The following CDH4 variants were observed in gnomAD, a reference collection of about 807,000 sequenced individuals.
The protein encoded by CDH4 is cadherin 4, also known as cadherin-4.
In CDH4, 33 loss-of-function variants were observed where a neutral mutation model predicts 86.0. The ratio of observed to expected loss-of-function variants is 0.38; its 90% CI spans 0.29 to 0.51. CDH4 has a LOEUF of 0.51. CDH4 is among the 20% of genes least tolerant of loss of function. The pLI, the probability that CDH4 is intolerant of heterozygous loss-of-function variation, is 0.86. For missense variants in CDH4, 1,114 were observed against 1,307.4 expected (o/e 0.85, Z 2.28); for synonymous variants, 555 against 549.4 (o/e 1.01, Z -0.14).
At chr20:61,875,906 G>T (rs1461628696) in intron 7 of CDH4, among the ~76,000 whole-genome samples, 9 of 150,728 alleles carry the variant, frequency 6.0e-5, no homozygotes, top group Non-Finnish European at 1.3e-4. Context: ...CTGCCCTGGG[G>T]AGAGAGGGCA....
At chr20:61,415,956 T>C (rs1164463337) in intron 2 of CDH4, among the ~76,000 whole-genome samples, 1 of 151,442 alleles carries the variant, frequency 6.6e-6, no homozygotes, top group Non-Finnish European at 1.5e-5. Context: ...TGCCTTGGCC[T>C]CCTAAAGTGC....
chr20:61,306,225 A>G (rs2084416453), intron 2 of CDH4, among the ~76,000 whole-genome samples: 1 of 152,224 alleles, frequency 6.6e-6, no homozygotes, highest in Non-Finnish European at 1.5e-5. Flanking sequence ...GACTCAAGAA[A>G]TTACCTCAGA....
chr20:61,854,204 G>A (rs996046961), intron 6 of CDH4, among the ~76,000 whole-genome samples: 5 of 152,282 alleles, frequency 3.3e-5, no homozygotes, highest in Admixed American at 2.6e-4. Context: ...CCAGAGCCAG[G>A]GCCAGCTCCC....
chr20:61,836,952 G>C (rs1981911657), intron 4 of CDH4, among the ~76,000 whole-genome samples: 1 of 152,248 alleles, frequency 6.6e-6, no homozygotes, highest in African/African-American at 2.4e-5. Context: ...CCAGCACTTT[G>C]GGAGGCTGAG....
At chr20:61,353,398 G>A (rs959947097) in intron 2 of CDH4, among the ~76,000 whole-genome samples, 2 of 152,006 alleles carry the variant, frequency 1.3e-5, no homozygotes, top group East Asian at 1.9e-4. Context: ...AAGCCTTCGC[G>A]CATTGCATAA....
chr20:61,808,228 G>A (rs1026597255), intron 4 of CDH4, among the ~76,000 whole-genome samples: 54 of 151,896 alleles, frequency 3.6e-4, no homozygotes, highest in South Asian at 1.9e-3. Flanking sequence ...AAATCACCCC[G>A]TCTCAGCCAG....
At chr20:61,620,206 ACAGACAGGCAGGC>A (rs1568716842) in intron 2 of CDH4, among the ~76,000 whole-genome samples, 910 of 129,544 alleles carry the variant, frequency 7.0e-3, no homozygotes, top group Non-Finnish European at 8.4e-3. Flanking sequence ...GGATGGATGG[ACAGACAGGCAGGC>A]TGGTAGGCAG....
intron 2 of CDH4, among the ~76,000 whole-genome samples, chr20:61,309,356 C>T (rs1329601984): frequency 1.3e-5 from 2 of 151,458 alleles, no homozygotes; most frequent in South Asian, 4.2e-4. Context: ...CTGTCTTCCT[C>T]GAGTTTCCAG....
At chr20:61,615,019 C>G (rs888529998) in intron 2 of CDH4, among the ~76,000 whole-genome samples, 6 of 152,142 alleles carry the variant, frequency 3.9e-5, no homozygotes. Flanking sequence ...CCCTGACTTC[C>G]AGTGGAAGAG....
At chr20:61,832,683 G>A (rs1025186755) in intron 4 of CDH4, among the ~76,000 whole-genome samples, 3 of 152,048 alleles carry the variant, frequency 2.0e-5, no homozygotes, top group African/African-American at 2.4e-5. Flanking sequence ...GAACTGCATG[G>A]GGGAACTGCC....
chr20:61,741,064 C>T (rs756346923), intron 2 of CDH4, among the ~76,000 whole-genome samples: 1 of 152,188 alleles, frequency 6.6e-6, no homozygotes, highest in Non-Finnish European at 1.5e-5. Flanking sequence ...CAAGACTCAG[C>T]TGGGCATGGT....
At chr20:61,384,686 C>G (rs1257888759) in intron 2 of CDH4, among the ~76,000 whole-genome samples, 1 of 152,192 alleles carries the variant, frequency 6.6e-6, no homozygotes, top group African/African-American at 2.4e-5. Context: ...AATGTCAGCT[C>G]AGCTACTAAT....
At chr20:61,808,341 AAAATAAAT>A (rs534974250) in intron 4 of CDH4, among the ~76,000 whole-genome samples, 7 of 151,744 alleles carry the variant, frequency 4.6e-5, no homozygotes, top group African/African-American at 4.8e-5. Context: ...ACCAGCTGCA[AAAATAAAT>A]AAATAAATAA....
rs1209375488 is a variant in CDH4 at position 61,663,600 on chromosome 20, G to T, written c.170-79963G>T. On this transcript the variant is annotated intron_variant, in intron 2 of 15. Coordinates refer to ENST00000614565, the MANE Select transcript of CDH4 (RefSeq NM_001794.5). The surrounding 1 kb of genome is among the most constrained non-coding windows in gnomAD (Gnocchi z 5.0). ...AAGTGAGTCGGGAGCTGCTGGGACG[G>T]CAGGACCGGGTGTGTGTGTCCAAGA... Among the ~76,000 whole-genome samples, 1 of 152,166 alleles carries T rather than the reference G, an allele frequency of 6.6e-6. No individual in the cohort carries two copies. The highest frequency in any genetic ancestry group is 1.5e-5 in the Non-Finnish European group (1 of 68,032).
rs141215885 is a variant in CDH4 at position 61,775,338 on chromosome 20, T to C, written c.576+2156T>C. ...AGGTCACCGAGACAGGGAGCGGGCT[T>C]CCATCATGCTCTTCCACCTTATTTA... On this transcript the variant is annotated intron_variant, in intron 4 of 15. Transcript: ENST00000614565. 2.0e-5 allele frequency among the ~76,000 whole-genome samples: 3 copies of C among 151,654 alleles called. No homozygotes were observed. The East Asian group carries it at 5.9e-4, about 30-fold the overall frequency.
At chr20:61,777,655 C>G (rs1052304129) in intron 4 of CDH4, among the ~76,000 whole-genome samples, 1 of 149,844 alleles carries the variant, frequency 6.7e-6, no homozygotes, top group Non-Finnish European at 1.5e-5. Context: ...CACGCACACA[C>G]GTGCATACAA....
At chr20:61,858,025 CTG>C (rs892250406) in intron 6 of CDH4, among the ~76,000 whole-genome samples, 3 of 140,496 alleles carry the variant, frequency 2.1e-5, no homozygotes, top group African/African-American at 8.0e-5. Flanking sequence ...GTGTCTGCAT[CTG>C]TGTGTGTGTC....
chr20:61,263,887 G>A (rs1451338754), intron 2 of CDH4, among the ~76,000 whole-genome samples: 2 of 152,082 alleles, frequency 1.3e-5, no homozygotes, highest in Non-Finnish European at 2.9e-5. Context: ...CAGCCGTGAA[G>A]CATCTCTGTG....
intron 2 of CDH4, among the ~76,000 whole-genome samples, chr20:61,533,267 G>T (rs538989222): frequency 1.1e-3 from 161 of 152,342 alleles, no homozygotes; most frequent in African/African-American, 3.6e-3. Flanking sequence ...GCGATGGGGG[G>T]CAGGCCTGGG....
Sources: gnomAD v4.1 joint callset for allele counts (sites outside exome capture counted in the v4.1 genomes callset) on GRCh38, gnomAD v4.1.1 for gene constraint, Gnocchi (gnomAD v3.1) non-coding constraint, MANE v1.5 for transcripts, NCBI Gene and HGNC (gene_info 2026-07-23, HGNC 2026-07-21) for gene names.